ABCC1: variants seen among roughly 807,000 people sequenced by gnomAD.
ABCC1 encodes ATP binding cassette subfamily C member 1 (ABCC1 blood group).
A neutral mutation model predicts 172.9 loss-of-function variants in ABCC1; 83 were observed. That is an observed-to-expected ratio of 0.48 (90% confidence interval 0.40 to 0.58). ABCC1 has a LOEUF of 0.58. Among genes scored for constraint, ABCC1 ranks in the 20% least tolerant of loss-of-function variants. ABCC1 has a pLI of 0.00. For missense variants in ABCC1, 1,817 were observed against 2,002.7 expected (o/e 0.91, Z 1.77); for synonymous variants, 937 against 825.2 (o/e 1.14, Z -2.32).
rs112241395 is a variant in ABCC1 at position 15,984,735 on chromosome 16, C to T, written c.49-23081C>T. On this transcript the variant is annotated intron_variant, in intron 1 of 30. Coordinates refer to ENST00000399410, the MANE Select transcript of ABCC1 (RefSeq NM_004996.4). ...CTGAGATTACAGGCTTGAGCCACCG[C>T]GCCCGGCCTATATATGTATTATATA... Among the ~76,000 whole-genome samples, 152 of 152,200 alleles carry T rather than the reference C, an allele frequency of 1.0e-3. 1 individual carries two copies. Among genetic ancestry groups the T allele is most frequent in the Admixed American group, 1.6e-3 (25 of 15,290 alleles).
At chr16:16,076,561 A>T (rs1024817366) in intron 15 of ABCC1, among the ~76,000 whole-genome samples, 160 bp downstream of exon 15, 11 of 152,220 alleles carry the variant, frequency 7.2e-5, no homozygotes, top group Non-Finnish European at 1.6e-4. Context: ...GGGTGCAGAT[A>T]CACCTGCTTA....
Position 16,019,185 on chromosome 16 carries a change from A to G in ABCC1, c.615+2564A>G, listed in dbSNP as rs571366846. On this transcript the variant is annotated intron_variant, in intron 5 of 30. Coordinates refer to ENST00000399410, the MANE Select transcript of ABCC1 (RefSeq NM_004996.4). ...AGTGGCATGATCTCGGCCCACTGCA[A>G]CCCCGCCTCCTGGGTTCAAGCGATT... Among the ~76,000 whole-genome samples, 58 of 151,628 alleles carry G rather than the reference A, an allele frequency of 3.8e-4. No individual in the cohort carries two copies. In the South Asian group the frequency reaches 0.011, roughly 29 times the overall value.
intron 1 of ABCC1, among the ~76,000 whole-genome samples, chr16:15,999,772 T>TCC (rs1159978701): frequency 8.8e-5 from 2 of 22,632 alleles, no homozygotes; most frequent in Non-Finnish European, 2.8e-4. Flanking sequence ...GGCCTCTTTC[T>TCC]CTCTCTCTCT....
intron 1 of ABCC1, among the ~76,000 whole-genome samples, chr16:15,984,765 T>C (rs1179846779): frequency 2.6e-5 from 4 of 152,164 alleles, no homozygotes; most frequent in African/African-American, 9.7e-5. Context: ...TATATAAACA[T>C]ATGCACACGC....
At chr16:16,030,887 G>C (rs1428019931) in intron 5 of ABCC1, among the ~76,000 whole-genome samples, 2 of 151,906 alleles carry the variant, frequency 1.3e-5, no homozygotes, top group Non-Finnish European at 2.9e-5. Flanking sequence ...TTTGAGACAG[G>C]GTCCCTAGGC....
Position 16,134,413 on chromosome 16 carries a change from A to G in ABCC1, c.4030A>G (p.Asn1344Asp), listed in dbSNP as rs770925266. ...SSLTLGLFRI[N>D]ESAEGEIIID... The stretch of plus-strand genomic sequence containing the variant: ...CCTGACCCTGGGCTTATTTCGGATC[A>G]ACGAGTCTGCCGAAGGAGAGATCAT... The change falls in exon 28 of 31, where the codon AAC becomes GAC. Residue 1344 changes from asparagine to aspartate, a missense_variant. Transcript: ENST00000399410. 9 of 1,614,026 alleles carry G rather than the reference A, an allele frequency of 5.6e-6. No homozygotes were observed. In the Admixed American group the frequency reaches 1.5e-4, roughly 27 times the overall value.
At chr16:16,006,889 T>TGGC (rs1567306020) in intron 1 of ABCC1, among the ~76,000 whole-genome samples, 1 of 79,720 alleles carries the variant, frequency 1.3e-5, no homozygotes, top group Admixed American at 1.6e-4. Flanking sequence ...GTGATGGTGG[T>TGGC]GGTGATGGTG....
chr16:16,012,319 C>T (rs62029842), intron 3 of ABCC1, among the ~76,000 whole-genome samples: 11,346 of 152,178 alleles, frequency 0.075, 556 homozygotes, highest in Non-Finnish European at 0.11. Flanking sequence ...ACGCCTGGCT[C>T]TCCTGCTGGG....
chr16:16,058,086 C>T (rs1363538335), intron 12 of ABCC1, among the ~76,000 whole-genome samples: 3 of 152,086 alleles, frequency 2.0e-5, no homozygotes, highest in Non-Finnish European at 4.4e-5. Context: ...AGTTCTGGTA[C>T]CTGTCCTGGG....
chr16:16,124,187 A>G (rs1207518818), intron 24 of ABCC1, among the ~76,000 whole-genome samples: 2 of 151,968 alleles, frequency 1.3e-5, no homozygotes, highest in Non-Finnish European at 2.9e-5. Context: ...AGAGACTGTT[A>G]TTTTCTACTT....
At chr16:15,996,076 C>T (rs2047045901) in intron 1 of ABCC1, among the ~76,000 whole-genome samples, 1 of 151,154 alleles carries the variant, frequency 6.6e-6, no homozygotes, top group South Asian at 2.1e-4. Flanking sequence ...CCTCCACCTC[C>T]TGGGTTCAAG....
intron 5 of ABCC1, among the ~76,000 whole-genome samples, chr16:16,030,802 GAA>G (rs2048534115): frequency 6.6e-6 from 1 of 152,002 alleles, no homozygotes; most frequent in Non-Finnish European, 1.5e-5. Flanking sequence ...GTCGCACCCA[GAA>G]CCAGCTTAAT....
chr16:16,004,833 T>A (rs1294394683), intron 1 of ABCC1, among the ~76,000 whole-genome samples: 7 of 146,676 alleles, frequency 4.8e-5, no homozygotes, highest in African/African-American at 1.7e-4. Context: ...TTTTATGTTT[T>A]TAGTAAAATA....
chr16:16,067,557 A>G (rs1319301261), intron 12 of ABCC1, among the ~76,000 whole-genome samples: 1 of 152,154 alleles, frequency 6.6e-6, no homozygotes, highest in Non-Finnish European at 1.5e-5. Context: ...CATTTTATAG[A>G]TGAGAAAATA....
intron 7 of ABCC1, among the ~76,000 whole-genome samples, chr16:16,042,552 A>C (rs2049017240): frequency 6.6e-6 from 1 of 151,886 alleles, no homozygotes; most frequent in African/African-American, 2.4e-5. Context: ...AAAACATAAA[A>C]ATTAGCTGGG....
intron 7 of ABCC1, among the ~76,000 whole-genome samples, chr16:16,038,312 G>A (rs2048834820): frequency 6.6e-6 from 1 of 152,136 alleles, no homozygotes; most frequent in South Asian, 2.1e-4. Flanking sequence ...CTGGTAGCAT[G>A]GCTCAGGCCT....
At chr16:16,040,172 T>G (rs906539481) in intron 7 of ABCC1, among the ~76,000 whole-genome samples, 3 of 152,054 alleles carry the variant, frequency 2.0e-5, no homozygotes, top group African/African-American at 7.2e-5. Flanking sequence ...AACAGCTCAT[T>G]GCAGCCTGGA....
intron 16 of ABCC1, among the ~76,000 whole-genome samples, chr16:16,080,337 T>C (rs913165253): frequency 1.3e-5 from 2 of 152,164 alleles, no homozygotes; most frequent in African/African-American, 4.8e-5. Flanking sequence ...AAGGGAACAG[T>C]TTAAATTTTT....
intron 10 of ABCC1, 64 bp downstream of exon 10, chr16:16,048,367 C>T (rs45494903): frequency 0.043 from 67,912 of 1,582,182 alleles, 1,874 homozygotes; most frequent in African/African-American, 0.12. Context: ...GGCAGTGGGC[C>T]GAGGGAGTGG....
Sources: gnomAD v4.1 joint callset for allele counts (sites outside exome capture counted in the v4.1 genomes callset) on GRCh38, gnomAD v4.1.1 for gene constraint, MANE v1.5 for transcripts, NCBI Gene and HGNC (gene_info 2026-07-23, HGNC 2026-07-21) for gene names.